Variants in LRRC43 observed in about 807,000 individuals in gnomAD.
LRRC43 encodes leucine-rich repeat-containing protein 43.
A neutral mutation model predicts 64.3 loss-of-function variants in LRRC43; 62 were observed. That is an observed-to-expected ratio of 0.96 (90% CI 0.79 to 1.19). The LOEUF is 1.19. LRRC43 is among the 50% of genes most tolerant of loss of function. The pLI, the probability that LRRC43 is intolerant of heterozygous loss-of-function variation, is 0.00. For missense variants in LRRC43, 868 were observed against 845.0 expected (o/e 1.03, Z -0.34); for synonymous variants, 422 against 382.3 (o/e 1.10, Z -1.21).
At chr12:122,197,746 A>G (rs1464663859) in intron 7 of LRRC43, among the ~76,000 whole-genome samples, 1 of 151,962 alleles carries the variant, frequency 6.6e-6, no homozygotes, top group African/African-American at 2.4e-5. Flanking sequence ...CAAGCAGAGG[A>G]GTAATGAGAT....
At position 122,192,827 on chromosome 12, in the gene LRRC43, T is replaced by TTGAAGAGGTTAC. The variant is rs200074491; in HGVS notation, c.1182_1193dup (p.Thr395_Val398dup). 3,223 of 1,614,126 alleles carry TTGAAGAGGTTAC rather than the reference T, an allele frequency of 2.0e-3. 57 individuals are homozygous for TTGAAGAGGTTAC. The African/African-American group carries it at 0.038, about 19-fold the overall frequency. Reference sequence around the variant, plus strand: ...GTGGAAGACGTCATCGAAGACATTGTTGAAGAGGTTACTGAAGAGGTCGAA... The same window carrying TTGAAGAGGTTAC: ...GTGGAAGACGTCATCGAAGACATTGTTGAAGAGGTTACTGAAGAGGTTACTGAAGAGGTCGAA... On this transcript the variant is annotated inframe_insertion, in exon 7 of 12. Coordinates refer to ENST00000339777, the MANE Select transcript of LRRC43 (RefSeq NM_001098519.2).
upstream of LRRC43, chr12:122,182,934 G>C: frequency 1.5e-6 from 1 of 687,066 alleles, no homozygotes; most frequent in South Asian, 2.1e-5. Context: ...GTCAGCTATG[G>C]CGCTTACTGC....
At chr12:122,169,670 C>T (rs60181473) in intron 1 of LRRC43, among the ~76,000 whole-genome samples, 63,480 of 140,808 alleles carry the variant, frequency 0.45, 14,210 homozygotes, top group East Asian at 0.7. Flanking sequence ...GAGCCGAGAT[C>T]GTGCCACTGC....
rs563015932 is a variant in LRRC43 at position 122,192,817 on chromosome 12, G to A, written c.1162G>A (p.Glu388Lys). Residue 388 changes from glutamate (E) to lysine (K), a missense_variant, in exon 7 of 12, where the codon GAA becomes AAA. Glu to Lys is a moderately conservative substitution (Grantham distance 56). Transcript: ENST00000339777. The stretch of plus-strand genomic sequence containing the variant: ...TGAAGAGGTCGTGGAAGACGTCATC[G>A]AAGACATTGTTGAAGAGGTTACTGA... ...SPEEVVEDVI[E>K]DIVEEVTEEV... The A allele has an allele frequency of 1.9e-6, 3 of 1,614,122 alleles. No homozygotes were observed. Among genetic ancestry groups the A allele is most frequent in the Admixed American group, 1.7e-5 (1 of 60,012 alleles).
chr12:122,173,999 A>G, intron 1 of LRRC43: 1 of 1,613,910 alleles, frequency 6.2e-7, no homozygotes, highest in Non-Finnish European at 8.5e-7. Flanking sequence ...GGGCCTGGAG[A>G]GAGAACGATG....
intron 4 of LRRC43, among the ~76,000 whole-genome samples, chr12:122,188,735 T>C (rs1338094107): frequency 2.0e-5 from 3 of 152,178 alleles, no homozygotes; most frequent in Non-Finnish European, 4.4e-5. Context: ...GCCACCGCAC[T>C]TGGCCTGGTG....
At chr12:122,188,655 G>A (rs372794774) in intron 4 of LRRC43, among the ~76,000 whole-genome samples, 16 of 151,782 alleles carry the variant, frequency 1.1e-4, no homozygotes, top group African/African-American at 3.9e-4. Flanking sequence ...TGGCCAGGAT[G>A]GTCTCGAACT....
chr12:122,174,279 C>T lies in LRRC43; in HGVS notation c.-406+6497C>T, dbSNP rs1364605690. 1.6e-5 allele frequency: 21 copies of T among 1,313,524 alleles called. 1 individual carries two copies. The highest frequency in any genetic ancestry group is 1.7e-5 in the Non-Finnish European group (16 of 919,176). 81.4% of individuals were successfully genotyped at this position (1,313,524 alleles called of 1,614,324 possible). ...GGCCAGGGTGAGGAGAAAGAGCAGT[C>T]AGCGTCCCGCCCATGGCAAAACCAT... is the stretch of plus-strand genomic sequence containing the variant. On this transcript the variant is annotated intron_variant, in intron 1 of 5. Coordinates refer to the LRRC43 transcript ENST00000537729.
intron 2 of LRRC43, among the ~76,000 whole-genome samples, chr12:122,185,534 G>A (rs541743199): frequency 6.6e-6 from 1 of 152,300 alleles, no homozygotes; most frequent in African/African-American, 2.4e-5. Context: ...AATAAAGCCA[G>A]CAAGCCAGCC....
At position 122,172,805 on chromosome 12, in the gene LRRC43, A is replaced by C; in HGVS notation, c.-406+5023A>C. ...ATGACAGCTGCAAGTCTTAACAGTGAATGTTTGCATGCTTCCTCCGTAACC... is the reference window on the plus strand; with the variant it reads ...ATGACAGCTGCAAGTCTTAACAGTGCATGTTTGCATGCTTCCTCCGTAACC... On this transcript the variant is annotated intron_variant, in intron 1 of 5. Coordinates refer to the LRRC43 transcript ENST00000537729. 5.5e-6 allele frequency: 7 copies of C among 1,282,546 alleles called. No individual in the cohort carries two copies. The South Asian group carries it at 9.6e-5, about 18-fold the overall frequency. 79.4% of individuals were successfully genotyped at this position (1,282,546 alleles called of 1,614,324 possible).
At chr12:122,183,097 G>A, upstream of LRRC43, 4 of 1,514,422 alleles carry the variant, frequency 2.6e-6, no homozygotes, top group Non-Finnish European at 2.6e-6. Flanking sequence ...AGAGGCCCCT[G>A]CCCCCGCGCA....
chr12:122,174,250 A>T (rs1953517847), intron 1 of LRRC43: 11 of 1,550,492 alleles, frequency 7.1e-6, no homozygotes, highest in Non-Finnish European at 8.9e-6. Context: ...GGAGGTATAT[A>T]AAGGGCCAGG....
chr12:122,182,598 C>CAGGAGAAT (rs1953591998), upstream of LRRC43, among the ~76,000 whole-genome samples: 2 of 149,128 alleles, frequency 1.3e-5, no homozygotes, highest in South Asian at 4.3e-4. Flanking sequence ...GAGGCTGAGG[C>CAGGAGAAT]AGGAGAATCG....
At chr12:122,197,389 C>A (rs1288557816) in intron 7 of LRRC43, among the ~76,000 whole-genome samples, 1 of 152,026 alleles carries the variant, frequency 6.6e-6, no homozygotes, top group African/African-American at 2.4e-5. Flanking sequence ...TGGTCTCAAA[C>A]TTCTGACCTC....
At chr12:122,191,211 C>G (rs779796358) in intron 5 of LRRC43, among the ~76,000 whole-genome samples, 169 bp from the exon 6 acceptor site, 1 of 152,164 alleles carries the variant, frequency 6.6e-6, no homozygotes, top group Non-Finnish European at 1.5e-5. Context: ...ACACCTGGAT[C>G]ACTCCAGGCC....
rs199935953 is a variant in LRRC43, at chr12:122,187,844, ACTCGGGAG to A, written c.662+6_662+13del. Reference sequence around the variant, plus strand: ...TCTACGTCACCGCTAATCACTGGTAACTCGGGAGCCCAGATGGAAAGTGAGAGGGAGGG... The same window carrying A: ...TCTACGTCACCGCTAATCACTGGTAACCCAGATGGAAAGTGAGAGGGAGGG... On this transcript the variant is annotated splice_donor_5th_base_variant and intron_variant, in intron 4 of 11. Transcript: ENST00000339777. The A allele has an allele frequency of 1.5e-5, 24 of 1,613,900 alleles. No homozygotes were observed. In the East Asian group the frequency reaches 5.3e-4, roughly 36 times the overall value.
In LRRC43 at chr12:122,194,213, G is replaced by T. The variant is rs572628536; in HGVS notation, c.1349+1209G>T. Among the ~76,000 whole-genome samples the T allele has an allele frequency of 2.1e-3, 302 of 145,440 alleles. 2 individuals are homozygous for T. Among genetic ancestry groups the T allele is most frequent in the African/African-American group, 7.3e-3 (292 of 40,042 alleles). On this transcript the variant is annotated intron_variant, in intron 7 of 11. Transcript: ENST00000339777. ...GAAAGGAGAGCACAAATATAAAGTTGTTTTTTTTTTTAAGCTTGTTAACCT... is the reference window on the plus strand; with the variant it reads ...GAAAGGAGAGCACAAATATAAAGTTTTTTTTTTTTTTAAGCTTGTTAACCT...
rs1953600664 is a variant in LRRC43, at chr12:122,183,212, G to GGACC, written c.70_73dup (p.Gly25AspfsTer29). 1 of 1,563,382 alleles carries GGACC rather than the reference G, an allele frequency of 6.4e-7. No homozygotes were observed. The highest frequency in any genetic ancestry group is 2.4e-5 in the East Asian group (1 of 40,976). The stretch of plus-strand genomic sequence containing the variant: ...GCCGGGCCTGGGACTCAGCGGCCCG[G>GGACC]GACCGGGACCGTGAGCGCGGCCGTG... On this transcript the variant is annotated frameshift_variant, in exon 1 of 12. Transcript: ENST00000339777. LOFTEE classifies it high-confidence loss of function.
intron 1 of LRRC43, among the ~76,000 whole-genome samples, chr12:122,174,986 C>T (rs928639673): frequency 1.2e-4 from 18 of 151,744 alleles, no homozygotes; most frequent in East Asian, 1.9e-4. Context: ...ACTACAGGCA[C>T]GTGCCACCAT....
Sources: allele counts gnomAD v4.1 joint callset (sites outside exome capture counted in the v4.1 genomes callset), GRCh38; gene constraint gnomAD v4.1.1; transcripts MANE v1.5; gene names NCBI Gene and HGNC (gene_info 2026-07-23, HGNC 2026-07-21).